The following RETREG2 variants were observed in gnomAD, a reference collection of about 807,000 sequenced individuals.
RETREG2 encodes the protein reticulophagy regulator 2.
In RETREG2, 21 loss-of-function variants were observed where a neutral mutation model predicts 51.6. That is an observed-to-expected ratio of 0.41 (90% CI 0.29 to 0.59). RETREG2 has a LOEUF of 0.59. Among genes scored for constraint, RETREG2 ranks in the 20% least tolerant of loss-of-function variants. The pLI is 0.34. For missense variants in RETREG2, 674 were observed against 646.0 expected, an observed-to-expected ratio of 1.04 and a Z score of -0.47; for synonymous variants, 339 against 288.6, an observed-to-expected ratio of 1.17 and a Z score of -1.77.
At chr2:219,179,059 T>A (rs1196942714) in intron 2 of RETREG2, 31 bp downstream of exon 2, 4 of 1,486,104 alleles carry the variant, frequency 2.7e-6, no homozygotes, top group Non-Finnish European at 3.8e-6. Context: ...TAAGCACCCA[T>A]TGGGTACTTG....
Position 219,181,713 on chromosome 2 carries a change from T to TG in RETREG2, c.955dup (p.Glu319GlyfsTer17). The TG allele has an allele frequency of 6.2e-7, 1 of 1,614,106 alleles. No individual in the cohort carries two copies. Among genetic ancestry groups the TG allele is most frequent in the Non-Finnish European group, 8.5e-7 (1 of 1,179,996 alleles). On this transcript the variant is annotated frameshift_variant, in exon 8 of 9. Coordinates refer to ENST00000430297, the MANE Select transcript of RETREG2 (RefSeq NM_024293.6). LOFTEE classifies it high-confidence loss of function. ...CTGTCAGATGAGGAGGCTTCTATCT[T>TG]GGAGAGTGGTGGCTTCTCCGTATCC...
At position 219,182,485 on chromosome 2, in the gene RETREG2, T is replaced by C; in HGVS notation, c.1488T>C (p.Asp496=). The change falls in exon 9 of 9, where the codon GAT becomes GAC. Residue 496 remains aspartate, a synonymous_variant. Coordinates refer to ENST00000430297, the MANE Select transcript of RETREG2 (RefSeq NM_024293.6). ...ALTTEDFELL[D]QGELEQLNAE... is the part of the protein sequence containing the mutation. ...CCACTGAGGACTTTGAGTTGCTGGATCAGGGGGAGCTGGAGCAGCTGAATG... is the reference window on the plus strand; with the variant it reads ...CCACTGAGGACTTTGAGTTGCTGGACCAGGGGGAGCTGGAGCAGCTGAATG... The C allele has an allele frequency of 6.2e-7, 1 of 1,613,806 alleles. No homozygotes were observed. Among genetic ancestry groups the C allele is most frequent in the Non-Finnish European group, 8.5e-7 (1 of 1,179,932 alleles).
rs946457513 is a variant in RETREG2 at position 219,184,466 on chromosome 2, TG to T, written c.*1838del. 8.5e-5 allele frequency: 13 copies of T among 152,216 alleles called. No individual in the cohort carries two copies. Among genetic ancestry groups the T allele is most frequent in the African/African-American group, 3.1e-4 (13 of 41,456 alleles). The allele number at this position is 152,216 out of a possible 1,614,324, so 9.4% of individuals were successfully genotyped here. ...CTTTCTGAGGTTGACTTTTATGCCATGTCTTTCCTAAGTGTGTAAGAATTTT... is the reference window on the plus strand; with the variant it reads ...CTTTCTGAGGTTGACTTTTATGCCATTCTTTCCTAAGTGTGTAAGAATTTT... On this transcript the variant is annotated 3_prime_UTR_variant, in exon 9 of 9. Coordinates refer to ENST00000430297, the MANE Select transcript of RETREG2 (RefSeq NM_024293.6).
Position 219,182,881 on chromosome 2 carries a change from A to C in RETREG2, c.*252A>C. The stretch of plus-strand genomic sequence containing the variant: ...TTAGTGGATGTGAACAGGGCTAGGG[A>C]AGTCCTTCCCACAGCCTGCGCTTGC... On this transcript the variant is annotated 3_prime_UTR_variant, in exon 9 of 9. Coordinates refer to ENST00000430297, the MANE Select transcript of RETREG2 (RefSeq NM_024293.6). 1 of 527,738 alleles carries C rather than the reference A, an allele frequency of 1.9e-6. No homozygotes were observed. The highest frequency in any genetic ancestry group is 3.4e-6 in the Non-Finnish European group (1 of 293,332). The allele number at this position is 527,738 out of a possible 1,614,324, so 32.7% of individuals were successfully genotyped here.
Position 219,184,825 on chromosome 2 carries a change from G to GTTTTTTTTTTTTTTTTTTTTTTTTTTTTT in RETREG2, c.*2215_*2216insTTTTTTTTTTTTTTTTTTTTTTTTTTTTT, listed in dbSNP as rs71040423. 1.1e-4 allele frequency: 11 copies of GTTTTTTTTTTTTTTTTTTTTTTTTTTTTT among 99,406 alleles called. 3 individuals carry two copies. Among genetic ancestry groups the GTTTTTTTTTTTTTTTTTTTTTTTTTTTTT allele is most frequent in the Non-Finnish European group, 1.7e-4 (9 of 51,898 alleles). The allele number at this position is 99,406 out of a possible 1,614,324, so 6.2% of individuals were successfully genotyped here. On this transcript the variant is annotated 3_prime_UTR_variant, in exon 9 of 9. Transcript: ENST00000430297. The stretch of plus-strand genomic sequence containing the variant: ...TGTTTTGGTTTTTTGTTTTTTGTGG[G>GTTTTTTTTTTTTTTTTTTTTTTTTTTTTT]TTTTTTTTTTTTTTTTTTTGAGACG...
At position 219,178,403 on chromosome 2, in the gene RETREG2, G is replaced by A; in HGVS notation, c.51G>A (p.Gly17=). The change falls in exon 1 of 9, where the codon GGG becomes GGA. Residue 17 remains glycine (G), a synonymous_variant. Transcript: ENST00000430297. ...GGNTGAGGGP[G]MGLSLGLGLG... Reference sequence around the variant, plus strand: ...ACACTGGCGCGGGTGGGGGGCCGGGGATGGGCCTGAGCCTGGGCCTGGGTC... The same window carrying A: ...ACACTGGCGCGGGTGGGGGGCCGGGAATGGGCCTGAGCCTGGGCCTGGGTC... The A allele has an allele frequency of 1.9e-6, 1 of 521,048 alleles. No homozygotes were observed. The highest frequency in any genetic ancestry group is 3.2e-5 in the South Asian group (1 of 31,740). 32.3% of individuals were successfully genotyped at this position (521,048 alleles called of 1,614,324 possible).
At chr2:219,179,795 C>T in intron 3 of RETREG2, 32 bp downstream of exon 3, 1 of 1,606,398 alleles carries the variant, frequency 6.2e-7, no homozygotes, top group South Asian at 1.1e-5. Flanking sequence ...AAGACAAATG[C>T]CCACATCCTG....
rs1950275414 is a variant in RETREG2, at chr2:219,181,315, C to T, written c.785-54C>T. The T allele has an allele frequency of 1.4e-5, 23 of 1,607,016 alleles. No individual in the cohort carries two copies. The South Asian group carries it at 2.3e-4, about 16-fold the overall frequency. On this transcript the variant is annotated intron_variant, in intron 6 of 8. Transcript: ENST00000430297. ...TCTCCAGTTCTTTAGCTGTGTTTGT[C>T]TCCCCTCCCATCATTCATGCTTGGT...
chr2:219,178,708 TG>T, intron 1 of RETREG2, 75 bp downstream of exon 1: 2 of 1,391,160 alleles, frequency 1.4e-6, no homozygotes, highest in Non-Finnish European at 1.9e-6. Flanking sequence ...TTCCCCTTTC[TG>T]GGTTATCACT....
chr2:219,182,036 A>G lies in RETREG2; in HGVS notation c.1039A>G (p.Ser347Gly), dbSNP rs200935158. 21 of 1,613,922 alleles carry G rather than the reference A, an allele frequency of 1.3e-5. No individual in the cohort carries two copies. In the African/African-American group the frequency reaches 2.5e-4, roughly 19 times the overall value. ...SEDLDQQSLP[S>G]EPEETLSRDL... is the part of the protein sequence containing the mutation. ...AGATTTGGACCAGCAGAGCCTGCCAAGTGAACCAGAGGAGACCCTAAGCCG... is the reference window on the plus strand; with the variant it reads ...AGATTTGGACCAGCAGAGCCTGCCAGGTGAACCAGAGGAGACCCTAAGCCG... The change falls in exon 9 of 9, where the codon AGT becomes GGT. Residue 347 changes from serine (S) to glycine (G), a missense_variant. Transcript: ENST00000430297.
intron 1 of RETREG2, 144 bp downstream of exon 1, chr2:219,178,777 C>T (rs1950228868): frequency 3.4e-6 from 4 of 1,166,052 alleles, no homozygotes; most frequent in Non-Finnish European, 4.8e-6. Context: ...CTTGAATTGC[C>T]CATTTTTTTC....
Position 219,178,496 on chromosome 2 carries a change from G to C in RETREG2, c.144G>C (p.Ala48=). Residue 48 remains alanine, a synonymous_variant, in exon 1 of 9, where the codon GCG becomes GCC. Coordinates refer to ENST00000430297, the MANE Select transcript of RETREG2 (RefSeq NM_024293.6). The part of the protein sequence containing the change: ...EAEEEAATAE[A]VGRLATTLWL... ...AGGAGGAGGCGGCCACGGCCGAGGCGGTGGGACGCCTGGCCACGACGCTGT... is the reference window on the plus strand; with the variant it reads ...AGGAGGAGGCGGCCACGGCCGAGGCCGTGGGACGCCTGGCCACGACGCTGT... The C allele has an allele frequency of 7.7e-7, 1 of 1,302,824 alleles. No homozygotes were observed. Among genetic ancestry groups the C allele is most frequent in the East Asian group, 2.9e-5 (1 of 33,962 alleles). 80.7% of individuals were successfully genotyped at this position (1,302,824 alleles called of 1,614,324 possible).
chr2:219,182,676 T>C lies in RETREG2; in HGVS notation c.*47T>C, dbSNP rs779203699. 1.3e-6 allele frequency: 2 copies of C among 1,594,150 alleles called. No homozygotes were observed. The highest frequency in any genetic ancestry group is 1.7e-6 in the Non-Finnish European group (2 of 1,168,788). On this transcript the variant is annotated 3_prime_UTR_variant, in exon 9 of 9. Coordinates refer to ENST00000430297, the MANE Select transcript of RETREG2 (RefSeq NM_024293.6). ...TGCAGGCACAGTAGGGCTTCCTGGC[T>C]AGGAGTGTTGCTGTTTCCTCCTTTG...
At position 219,184,826 on chromosome 2, in the gene RETREG2, T is replaced by G. The variant is rs1036433232; in HGVS notation, c.*2197T>G. Reference sequence around the variant, plus strand: ...GTTTTGGTTTTTTGTTTTTTGTGGGTTTTTTTTTTTTTTTTTTTGAGACGG... The same window carrying G: ...GTTTTGGTTTTTTGTTTTTTGTGGGGTTTTTTTTTTTTTTTTTTGAGACGG... On this transcript the variant is annotated 3_prime_UTR_variant, in exon 9 of 9. Transcript: ENST00000430297. 1.8e-4 allele frequency: 9 copies of G among 48,962 alleles called. No homozygotes were observed. The highest frequency in any genetic ancestry group is 8.5e-4 in the African/African-American group (5 of 5,876). The allele number at this position is 48,962 out of a possible 1,614,324, so 3.0% of individuals were successfully genotyped here. A position where few individuals can be genotyped will look rare whatever the true frequency, so the allele number is the denominator to read the frequency against.
At chr2:219,178,845 G>T in intron 1 of RETREG2, 77 bp from the exon 2 acceptor site, 1 of 1,177,686 alleles carries the variant, frequency 8.5e-7, no homozygotes. Flanking sequence ...CCATCAGTAG[G>T]CGCCTTTCCA....
Position 219,182,562 on chromosome 2 carries a change from C to T in RETREG2, c.1565C>T (p.Pro522Leu), listed in dbSNP as rs1331186910. ...ETPPKPPDAP[P>L]LGPDIHSLVQ... ...CCGCCAAAACCCCCTGATGCTCCACCCCTGGGGCCCGACATCCATTCTCTG... is the reference window on the plus strand; with the variant it reads ...CCGCCAAAACCCCCTGATGCTCCACTCCTGGGGCCCGACATCCATTCTCTG... Residue 522 changes from proline to leucine, a missense_variant, in exon 9 of 9, where the codon CCC becomes CTC. Coordinates refer to ENST00000430297, the MANE Select transcript of RETREG2 (RefSeq NM_024293.6). 3 of 1,614,054 alleles carry T rather than the reference C, an allele frequency of 1.9e-6. No homozygotes were observed. The African/African-American group carries it at 4.0e-5, about 22-fold the overall frequency.
chr2:219,180,152 G>A lies in RETREG2; in HGVS notation c.462G>A (p.Val154=). Residue 154 remains valine (V), a synonymous_variant, in exon 4 of 9, where the codon GTG becomes GTA. Coordinates refer to ENST00000430297, the MANE Select transcript of RETREG2 (RefSeq NM_024293.6). ...GSGARPHLLS[V]PELCRYLAES... ...GCGCCCGGCCGCACCTGCTGAGTGT[G>A]CCCGAGTTGTGCAGATACCTGGCTG... is the stretch of plus-strand genomic sequence containing the variant. 6.2e-7 allele frequency: 1 copy of A among 1,614,186 alleles called. No individual in the cohort carries two copies. Among genetic ancestry groups the A allele is most frequent in the Non-Finnish European group, 8.5e-7 (1 of 1,180,032 alleles).
chr2:219,178,884 TCACC>T (rs772725311), intron 1 of RETREG2, 34 bp from the exon 2 acceptor site: 103 of 1,452,812 alleles, frequency 7.1e-5, no homozygotes, highest in Non-Finnish European at 8.9e-5. Context: ...TGAGCCTGTC[TCACC>T]CACTCACTGC....
chr2:219,180,389 C>T (rs1950261362), intron 4 of RETREG2, 144 bp downstream of exon 4: 3 of 1,139,032 alleles, frequency 2.6e-6, no homozygotes, highest in African/African-American at 1.6e-5. Context: ...ACATTCACAG[C>T]TAATCCCTGG....
Sources: allele counts gnomAD v4.1 joint callset, GRCh38; gene constraint gnomAD v4.1.1; transcripts MANE v1.5; gene names NCBI Gene and HGNC (gene_info 2026-07-23, HGNC 2026-07-21).